Variants in CSMD3 observed in about 807,000 individuals in gnomAD.
CSMD3 encodes CUB and Sushi multiple domains 3.
Under a neutral mutation model 435.2 loss-of-function variants are expected in CSMD3, and 177 were observed. The observed-to-expected ratio is 0.41, with a 90% CI of 0.36 to 0.46. The LOEUF (loss-of-function observed/expected upper bound fraction) is 0.46, where lower values mean the gene tolerates loss of function less well. CSMD3 is among the 20% of genes least tolerant of loss of function. CSMD3 has a pLI of 0.34. For synonymous variants in CSMD3, 1,656 were observed against 1,520.5 expected (o/e 1.09, Z -2.07); for missense variants, 4,265 against 4,504.6 (o/e 0.95, Z 1.52).
intron 6 of CSMD3, among the ~76,000 whole-genome samples, chr8:113,013,460 G>C (rs570218521): frequency 6.6e-6 from 1 of 151,960 alleles, no homozygotes; most frequent in Non-Finnish European, 1.5e-5. Flanking sequence ...GAAATCTTTA[G>C]AGAACAAATG....
At chr8:112,370,023 G>GGAAGAGGAAGAAGAAGAAGAAGAAGAA (rs1554658405) in intron 38 of CSMD3, among the ~76,000 whole-genome samples, 1 of 66,538 alleles carries the variant, frequency 1.5e-5, no homozygotes, top group African/African-American at 6.4e-5. Context: ...AAGAAGAAGA[G>GGAAGAGGAAGAAGAAGAAGAAGAAGAA]GAAGAAGAAG....
At chr8:112,490,884 C>G (rs1004220869) in intron 31 of CSMD3, among the ~76,000 whole-genome samples, 3 of 152,190 alleles carry the variant, frequency 2.0e-5, no homozygotes, top group South Asian at 2.1e-4. Context: ...CCATCAATCA[C>G]TTTTTCTCTC....
intron 5 of CSMD3, among the ~76,000 whole-genome samples, chr8:113,045,751 A>G (rs1184991709): frequency 6.7e-6 from 1 of 149,378 alleles, no homozygotes; most frequent in Non-Finnish European, 1.5e-5. Context: ...CTAAAATTCA[A>G]CTTACACTTG....
chr8:113,338,587 C>T (rs2094094669), intron 1 of CSMD3, among the ~76,000 whole-genome samples: 1 of 151,816 alleles, frequency 6.6e-6, no homozygotes, highest in South Asian at 2.1e-4. Flanking sequence ...ACATGGAACT[C>T]AAGAACATTA....
intron 3 of CSMD3, among the ~76,000 whole-genome samples, chr8:113,224,964 T>A (rs1030920299): frequency 6.6e-6 from 1 of 151,440 alleles, no homozygotes; most frequent in Non-Finnish European, 1.5e-5. Context: ...AAATTTTCTA[T>A]CTCAGCAATT....
chr8:112,266,039 C>T lies in CSMD3; in HGVS notation c.9509-449G>A, dbSNP rs1466949497. ...TCTGCAGTGTCACTCAGAAAGACAA[C>T]CCCCAAGAAATTGCAACCTTCACTC... On this transcript the variant is annotated intron_variant, in intron 59 of 70. Transcript: ENST00000297405. Among the ~76,000 whole-genome samples, 3 of 152,184 alleles carry T rather than the reference C, an allele frequency of 2.0e-5. No individual in the cohort carries two copies. The East Asian group carries it at 5.8e-4, about 29-fold the overall frequency.
At chr8:112,532,684 A>G (rs1475246036) in intron 27 of CSMD3, among the ~76,000 whole-genome samples, 2 of 152,126 alleles carry the variant, frequency 1.3e-5, no homozygotes, top group East Asian at 3.9e-4. Flanking sequence ...CTGTTTTACA[A>G]GAAATGCTAA....
chr8:112,457,643 T>C (rs16883621), intron 32 of CSMD3, among the ~76,000 whole-genome samples: 41,486 of 151,868 alleles, frequency 0.27, 6,354 homozygotes, highest in African/African-American at 0.41. Flanking sequence ...AGTTGAGGAA[T>C]TTAGGAGCAG....
At chr8:112,256,513 A>C (rs940177055) in intron 61 of CSMD3, among the ~76,000 whole-genome samples, 2 of 152,182 alleles carry the variant, frequency 1.3e-5, no homozygotes, top group Non-Finnish European at 2.9e-5. Context: ...CTGCTGGGGC[A>C]TGGCTAGCTT....
chr8:112,949,629 T>C (rs2130806929), intron 8 of CSMD3, among the ~76,000 whole-genome samples: 1 of 152,184 alleles, frequency 6.6e-6, no homozygotes, highest in Middle Eastern at 3.4e-3. Flanking sequence ...CTACTTAAAT[T>C]CAACCTAATC....
chr8:113,190,604 G>A (rs1320682164), intron 3 of CSMD3, among the ~76,000 whole-genome samples: 1 of 151,536 alleles, frequency 6.6e-6, no homozygotes, highest in East Asian at 1.9e-4. Flanking sequence ...CTCTACCTCT[G>A]CCTCTTAAAA....
intron 1 of CSMD3, among the ~76,000 whole-genome samples, chr8:113,346,526 T>TA (rs1261078849): frequency 2.0e-5 from 3 of 152,002 alleles, no homozygotes; most frequent in Admixed American, 6.6e-5. Flanking sequence ...AGATTTTTTT[T>TA]AAAAAATGGA....
chr8:112,425,472 A>G (rs1384078769), intron 32 of CSMD3, among the ~76,000 whole-genome samples: 2 of 152,168 alleles, frequency 1.3e-5, no homozygotes, highest in Non-Finnish European at 2.9e-5. Flanking sequence ...ATCTGTGAGG[A>G]GTTTAATCTG....
chr8:113,159,243 A>G (rs1385973616), intron 4 of CSMD3, among the ~76,000 whole-genome samples: 1 of 151,734 alleles, frequency 6.6e-6, no homozygotes, highest in Non-Finnish European at 1.5e-5. Context: ...AATATGTAAG[A>G]TATGTAGAAT....
chr8:113,322,885 A>G (rs553841699), intron 1 of CSMD3, among the ~76,000 whole-genome samples: 1 of 152,196 alleles, frequency 6.6e-6, no homozygotes, highest in African/African-American at 2.4e-5. Context: ...AGCTGGGATT[A>G]CAGGTGCCCG....
intron 45 of CSMD3, among the ~76,000 whole-genome samples, chr8:112,327,228 A>C (rs16883441): frequency 0.04 from 6,043 of 152,226 alleles, 392 homozygotes; most frequent in African/African-American, 0.14. Flanking sequence ...TCAAAGTTAG[A>C]AAATACCTCA....
intron 2 of CSMD3, among the ~76,000 whole-genome samples, chr8:113,287,925 C>CTA (rs2093658406): frequency 6.6e-6 from 1 of 151,812 alleles, no homozygotes; most frequent in Non-Finnish European, 1.5e-5. Flanking sequence ...TAAAAGAATT[C>CTA]CTGCTTGAAA....
At chr8:112,697,604 G>A (rs1030726253) in intron 13 of CSMD3, among the ~76,000 whole-genome samples, 4 of 152,076 alleles carry the variant, frequency 2.6e-5, no homozygotes, top group Admixed American at 6.6e-5. Flanking sequence ...GGGGGCAGGG[G>A]GGAGGGTTAG....
rs553118013 is a variant in CSMD3 at position 113,117,228 on chromosome 8, G to T, written c.710-18265C>A. On this transcript the variant is annotated intron_variant, in intron 4 of 70. Coordinates refer to ENST00000297405, the MANE Select transcript of CSMD3 (RefSeq NM_198123.2). ...TTTTGTGGGCTGGGCCCCGGGCCTT[G>T]CTACTTTGTGCAAGCTCAAGACTTG... Among the ~76,000 whole-genome samples, 3 of 152,314 alleles carry T rather than the reference G, an allele frequency of 2.0e-5. No individual in the cohort carries two copies. In the East Asian group the frequency reaches 5.8e-4, roughly 29 times the overall value.
Sources: allele counts gnomAD v4.1 joint callset (sites outside exome capture counted in the v4.1 genomes callset), GRCh38; gene constraint gnomAD v4.1.1; transcripts MANE v1.5; gene names NCBI Gene and HGNC (gene_info 2026-07-23, HGNC 2026-07-21).